The following INTS7 variants were observed in gnomAD, a reference collection of about 807,000 sequenced individuals.
The protein encoded by INTS7 is chromosome 1 open reading frame 73.
Under a neutral mutation model 109.2 loss-of-function variants are expected in INTS7, and 46 were observed. The ratio of observed to expected loss-of-function variants is 0.42; its 90% CI spans 0.33 to 0.54. INTS7 has a LOEUF of 0.54. Among genes scored for constraint, INTS7 ranks in the 20% least tolerant of loss-of-function variants. The pLI is 0.07. For synonymous variants in INTS7, 412 were observed against 402.9 expected (o/e 1.02, Z -0.27); for missense variants, 929 against 1,132.4 (o/e 0.82, Z 2.58).
At chr1:211,979,100 G>GGCATC (rs1664541267) in intron 10 of INTS7, among the ~76,000 whole-genome samples, 1 of 152,138 alleles carries the variant, frequency 6.6e-6, no homozygotes, top group African/African-American at 2.4e-5. Flanking sequence ...CCTTCTTAAA[G>GGCATC]GCATCACTAA....
At chr1:211,972,105 G>C (rs964822638) in intron 13 of INTS7, among the ~76,000 whole-genome samples, 2 of 152,022 alleles carry the variant, frequency 1.3e-5, no homozygotes, top group African/African-American at 4.8e-5. Context: ...CTTGCTATGT[G>C]ACCCAGGGTA....
chr1:211,958,162 T>TAAA (rs1322168637), intron 16 of INTS7, among the ~76,000 whole-genome samples: 2 of 152,146 alleles, frequency 1.3e-5, no homozygotes, highest in African/African-American at 4.8e-5. Flanking sequence ...TCCTTCAGCC[T>TAAA]AAAAAAGTTC....
chr1:212,023,239 A>G (rs1286820514), intron 1 of INTS7, among the ~76,000 whole-genome samples: 1 of 152,154 alleles, frequency 6.6e-6, no homozygotes, highest in Non-Finnish European at 1.5e-5. Context: ...TTTTGGGCAG[A>G]ATGATTTATT....
intron 7 of INTS7, among the ~76,000 whole-genome samples, chr1:211,993,951 A>T (rs1371261092): frequency 6.6e-6 from 1 of 152,178 alleles, no homozygotes; most frequent in Non-Finnish European, 1.5e-5. Context: ...GAAATATCTG[A>T]TTCCATCTGA....
rs1571903456 is a variant in INTS7 at position 212,011,483 on chromosome 1, TAAAAG to T, written c.510-67_510-63del. On this transcript the variant is annotated intron_variant, in intron 4 of 19. Coordinates refer to ENST00000366994, the MANE Select transcript of INTS7 (RefSeq NM_015434.4). ...CATTTGCTTATATTTTCTAAGGACT[TAAAAG>T]AAATAAAACACAATTAGCGCAGAAG... The T allele has an allele frequency of 4.9e-6, 5 of 1,021,382 alleles. No homozygotes were observed. In the East Asian group the frequency reaches 1.2e-4, roughly 24 times the overall value. 63.3% of individuals were successfully genotyped at this position (1,021,382 alleles called of 1,614,324 possible).
At chr1:211,984,843 T>C (rs573773866) in intron 8 of INTS7, among the ~76,000 whole-genome samples, 29 of 152,314 alleles carry the variant, frequency 1.9e-4, no homozygotes, top group African/African-American at 6.5e-4. Context: ...TATTGTATCA[T>C]GGAGACTGCT....
intron 7 of INTS7, among the ~76,000 whole-genome samples, chr1:211,994,400 A>C (rs372882794): frequency 2.0e-5 from 3 of 151,834 alleles, no homozygotes; most frequent in Admixed American, 1.3e-4. Flanking sequence ...CTCAGGATTC[A>C]GCTGCAATGG....
At chr1:211,993,471 G>A (rs1665230841) in intron 7 of INTS7, among the ~76,000 whole-genome samples, 3 of 152,142 alleles carry the variant, frequency 2.0e-5, no homozygotes, top group African/African-American at 7.2e-5. Flanking sequence ...CCTGAGGTCA[G>A]GAGTTTGAGA....
At chr1:211,952,766 T>G in intron 16 of INTS7, 65 bp from the exon 17 acceptor site, 1 of 1,259,728 alleles carries the variant, frequency 7.9e-7, no homozygotes, top group South Asian at 1.3e-5. Context: ...CCTACATGTA[T>G]CAGGTACTTT....
intron 16 of INTS7, among the ~76,000 whole-genome samples, chr1:211,956,524 T>C (rs1454575079): frequency 1.3e-5 from 2 of 152,234 alleles, no homozygotes; most frequent in African/African-American, 4.8e-5. Flanking sequence ...GCAAATTTCT[T>C]TGCACAAAGT....
At chr1:211,970,573 C>G (rs1007146992) in intron 13 of INTS7, among the ~76,000 whole-genome samples, 10 of 151,986 alleles carry the variant, frequency 6.6e-5, no homozygotes, top group African/African-American at 2.4e-4. Context: ...AGATTAGTAT[C>G]CAGAACATAT....
chr1:212,000,760 C>G (rs1665631873), intron 7 of INTS7, among the ~76,000 whole-genome samples: 1 of 151,782 alleles, frequency 6.6e-6, no homozygotes, highest in Non-Finnish European at 1.5e-5. Flanking sequence ...AAACAAAACC[C>G]AAAAAAAATC....
rs557365367 is a variant in INTS7, at chr1:212,001,420, A to T, written c.879+5219T>A. Reference sequence around the variant, plus strand: ...CATGGGTTCCGCATCCACTGATTCAACCAAATCCAGATCGAAAGTATTTGA... The same window carrying T: ...CATGGGTTCCGCATCCACTGATTCATCCAAATCCAGATCGAAAGTATTTGA... On this transcript the variant is annotated intron_variant, in intron 7 of 19. Coordinates refer to ENST00000366994, the MANE Select transcript of INTS7 (RefSeq NM_015434.4). Among the ~76,000 whole-genome samples the T allele has an allele frequency of 5.3e-5, 8 of 152,260 alleles. No homozygotes were observed. The South Asian group carries it at 1.7e-3, about 32-fold the overall frequency.
intron 5 of INTS7, 62 bp downstream of exon 5, chr1:212,011,313 G>A: frequency 1.2e-6 from 1 of 839,742 alleles, no homozygotes; most frequent in Non-Finnish European, 1.9e-6. Flanking sequence ...TACTTAATTA[G>A]TGTTAGCAAC....
At chr1:211,988,051 C>A (rs774692002) in intron 7 of INTS7, 48 bp from the exon 8 acceptor site, 16 of 895,776 alleles carry the variant, frequency 1.8e-5, no homozygotes, top group Middle Eastern at 2.2e-4. Flanking sequence ...CATCAATATA[C>A]TTCTAAACTG....
chr1:211,970,626 G>GT (rs1664128612), intron 13 of INTS7, among the ~76,000 whole-genome samples: 1 of 152,098 alleles, frequency 6.6e-6, no homozygotes, highest in Non-Finnish European at 1.5e-5. Flanking sequence ...ATAAAAACTA[G>GT]TAGGAAAATG....
intron 2 of INTS7, chr1:212,020,637 CG>C (rs1282772913): frequency 2.0e-6 from 1 of 505,760 alleles, no homozygotes; most frequent in African/African-American, 2.1e-5. Flanking sequence ...CATATGAGCA[CG>C]AGTGCATGGA....
At chr1:211,954,546 T>G (rs1417919932) in intron 16 of INTS7, among the ~76,000 whole-genome samples, 1 of 152,260 alleles carries the variant, frequency 6.6e-6, no homozygotes, top group East Asian at 1.9e-4. Context: ...CATGTAAGTC[T>G]TTAATCCATC....
intron 16 of INTS7, among the ~76,000 whole-genome samples, chr1:211,954,406 C>T (rs374326260): frequency 3.3e-5 from 5 of 152,206 alleles, no homozygotes; most frequent in East Asian, 1.9e-4. Flanking sequence ...TTTAATTAGA[C>T]CCCATTTGTG....
Sources: gnomAD v4.1 joint callset for allele counts (sites outside exome capture counted in the v4.1 genomes callset) on GRCh38, gnomAD v4.1.1 for gene constraint, MANE v1.5 for transcripts, NCBI Gene and HGNC (gene_info 2026-07-23, HGNC 2026-07-21) for gene names.